Variants in IQCJ observed in about 807,000 individuals in gnomAD.
IQCJ encodes IQ domain-containing protein J.
IQCJ carries 9 observed loss-of-function variants against 11.0 expected under a neutral mutation model. The ratio of observed to expected loss-of-function variants is 0.82; its 90% CI spans 0.49 to 1.43. IQCJ has a LOEUF of 1.43. Ranked by LOEUF, IQCJ falls within the 40% of genes most tolerant of loss-of-function variation. The pLI is 0.00. For synonymous variants in IQCJ, 55 were observed against 51.3 expected (o/e 1.07, Z -0.31); for missense variants, 146 against 133.2 (o/e 1.10, Z -0.47).
chr3:159,253,574 GTA>G (rs1214970102), intron 3 of IQCJ, among the ~76,000 whole-genome samples: 1 of 150,254 alleles, frequency 6.7e-6, no homozygotes, highest in Non-Finnish European at 1.5e-5. Context: ...GCCAGTGAGT[GTA>G]TATTTAATCT....
chr3:159,151,486 G>A (rs922550524), intron 1 of IQCJ, among the ~76,000 whole-genome samples: 2 of 152,158 alleles, frequency 1.3e-5, no homozygotes, highest in African/African-American at 4.8e-5. Context: ...CTGCTGCTCT[G>A]GCCTGCTGTC....
At chr3:159,192,466 T>G (rs1723745332) in intron 1 of IQCJ, among the ~76,000 whole-genome samples, 2 of 151,850 alleles carry the variant, frequency 1.3e-5, no homozygotes, top group South Asian at 4.2e-4. Flanking sequence ...GGAAGCAGAG[T>G]TGCGGAGAGG....
At chr3:159,170,643 CTT>C (rs141891539) in intron 1 of IQCJ, among the ~76,000 whole-genome samples, 15 of 146,714 alleles carry the variant, frequency 1.0e-4, no homozygotes, top group Middle Eastern at 3.5e-3. Flanking sequence ...GCTCCTCACC[CTT>C]TTTTTTTTTT....
At chr3:159,161,373 G>A (rs902722027) in intron 1 of IQCJ, among the ~76,000 whole-genome samples, 2 of 152,056 alleles carry the variant, frequency 1.3e-5, no homozygotes, top group African/African-American at 4.8e-5. Context: ...TTTTTGATGT[G>A]GTTGTTTGTT....
intron 1 of IQCJ, among the ~76,000 whole-genome samples, chr3:159,107,955 C>G (rs932258982): frequency 1.5e-5 from 2 of 134,854 alleles, no homozygotes; most frequent in Non-Finnish European, 3.0e-5. Context: ...TGCAGGCTTC[C>G]TTACCCTAGC....
intron 1 of IQCJ, among the ~76,000 whole-genome samples, chr3:159,161,164 C>G (rs1409434298): frequency 1.3e-5 from 2 of 152,144 alleles, no homozygotes; most frequent in Non-Finnish European, 2.9e-5. Flanking sequence ...TAAAAGTGTT[C>G]CTATTTCTCC....
At chr3:159,124,806 C>T (rs1719579077) in intron 1 of IQCJ, among the ~76,000 whole-genome samples, 1 of 152,076 alleles carries the variant, frequency 6.6e-6, no homozygotes, top group South Asian at 2.1e-4. Context: ...ATGAATGACT[C>T]AATGTGATTT....
intron 1 of IQCJ, among the ~76,000 whole-genome samples, chr3:159,113,534 T>C (rs12497650): frequency 0.7 from 106,403 of 152,142 alleles, 37,294 homozygotes; most frequent in Admixed American, 0.73. Context: ...AATTGCTTTT[T>C]ATTGTCCTTT....
At chr3:159,212,307 C>T (rs1345466032) in intron 1 of IQCJ, among the ~76,000 whole-genome samples, 1 of 152,092 alleles carries the variant, frequency 6.6e-6, no homozygotes, top group African/African-American at 2.4e-5. Context: ...CACTTTGTAG[C>T]TGCGTGGTCC....
chr3:159,193,537 T>G (rs7609848), intron 1 of IQCJ, among the ~76,000 whole-genome samples: 229 of 152,220 alleles, frequency 1.5e-3, no homozygotes, highest in African/African-American at 5.4e-3. Flanking sequence ...TCTAAAGTGG[T>G]TTACTTGGTT....
intron 1 of IQCJ, among the ~76,000 whole-genome samples, chr3:159,125,585 T>A (rs1362985186): frequency 6.6e-6 from 1 of 152,240 alleles, no homozygotes; most frequent in Non-Finnish European, 1.5e-5. Context: ...GTATTTTTCC[T>A]GGTAAATCTA....
intron 2 of IQCJ, among the ~76,000 whole-genome samples, chr3:159,248,134 C>G (rs934556598): frequency 1.3e-5 from 2 of 152,170 alleles, no homozygotes; most frequent in African/African-American, 4.8e-5. Context: ...CTATACTTAT[C>G]TTTAAAAATG....
chr3:159,200,858 C>T (rs1225983220), intron 1 of IQCJ, among the ~76,000 whole-genome samples: 2 of 152,016 alleles, frequency 1.3e-5, no homozygotes, highest in African/African-American at 2.4e-5. Flanking sequence ...TAGTGTTGGT[C>T]GCAGGCTGAG....
At chr3:159,209,145 C>T (rs970658539) in intron 1 of IQCJ, among the ~76,000 whole-genome samples, 2 of 152,122 alleles carry the variant, frequency 1.3e-5, no homozygotes, top group African/African-American at 4.8e-5. Context: ...CCATAAAAAC[C>T]CCAAACTCCA....
At chr3:159,183,283 TATG>T (rs1417590164) in intron 1 of IQCJ, among the ~76,000 whole-genome samples, 18 of 152,332 alleles carry the variant, frequency 1.2e-4, no homozygotes, top group East Asian at 7.7e-4. Context: ...TTTAAATAAT[TATG>T]ATGAGTATTT....
At chr3:159,174,906 A>G (rs867434470) in intron 1 of IQCJ, among the ~76,000 whole-genome samples, 1 of 152,170 alleles carries the variant, frequency 6.6e-6, no homozygotes, top group African/African-American at 2.4e-5. Flanking sequence ...AACGTATTTG[A>G]AATAGAATTG....
At chr3:159,218,861 G>T (rs1158243014) in intron 1 of IQCJ, among the ~76,000 whole-genome samples, 1 of 152,098 alleles carries the variant, frequency 6.6e-6, no homozygotes, top group Non-Finnish European at 1.5e-5. Flanking sequence ...TAACATCAAG[G>T]TGTATGCAGG....
At chr3:159,165,228 T>C (rs1467301819) in intron 1 of IQCJ, among the ~76,000 whole-genome samples, 1 of 152,234 alleles carries the variant, frequency 6.6e-6, no homozygotes, top group Non-Finnish European at 1.5e-5. Flanking sequence ...AATTGCCTCA[T>C]GAGGCAAATA....
downstream of IQCJ, among the ~76,000 whole-genome samples, chr3:159,264,401 C>T (rs972801730): frequency 3.9e-5 from 6 of 152,200 alleles, no homozygotes; most frequent in African/African-American, 1.4e-4. Flanking sequence ...GCTTCACTAA[C>T]AGTTCTACTT....
Sources: gnomAD v4.1 joint callset for allele counts (sites outside exome capture counted in the v4.1 genomes callset) on GRCh38, gnomAD v4.1.1 for gene constraint, MANE v1.5 for transcripts, NCBI Gene and HGNC (gene_info 2026-07-23, HGNC 2026-07-21) for gene names.